The following PRAMEF7 variants were observed in gnomAD, a reference collection of about 807,000 sequenced individuals.
PRAMEF7 encodes the protein PRAME family member 7.
A neutral mutation model predicts 12.3 loss-of-function variants in PRAMEF7; 2 were observed. That is an observed-to-expected ratio of 0.16 (90% CI 0.07 to 0.51). The LOEUF (loss-of-function observed/expected upper bound fraction) is 0.51, where lower values mean the gene tolerates loss of function less well. Ranked by LOEUF, PRAMEF7 falls within the 20% of genes least tolerant of loss-of-function variation. The probability of loss-of-function intolerance (pLI) is 0.95; values close to 1 mark genes in which losing one functional copy is unlikely to be tolerated. For missense variants in PRAMEF7, 14 were observed against 275.4 expected, an observed-to-expected ratio of 0.05 and a Z score of 6.72; for synonymous variants, 5 against 117.1, an observed-to-expected ratio of 0.04 and a Z score of 6.18.
upstream of PRAMEF7, among the ~76,000 whole-genome samples, chr1:12,917,192 G>GT (rs1167628784): frequency 1.1e-5 from 1 of 87,464 alleles, no homozygotes; most frequent in Non-Finnish European, 2.3e-5. Flanking sequence ...TGCTTTTATA[G>GT]TTTCTCTTAT....
intron 2 of PRAMEF7, among the ~76,000 whole-genome samples, chr1:12,919,432 ATAGAGG>A (rs1315063881): frequency 2.0e-5 from 3 of 150,372 alleles, no homozygotes; most frequent in Admixed American, 2.0e-4. Flanking sequence ...TGATGATAGA[ATAGAGG>A]GTGAGGGAGC....
rs772627422 is a variant in PRAMEF7 at position 12,919,900 on chromosome 1, G to C, written c.912G>C (p.Leu304=). The C allele has an allele frequency of 3.6e-6, 3 of 844,370 alleles. 1 individual carries two copies. The highest frequency in any genetic ancestry group is 4.6e-6 in the Non-Finnish European group (3 of 649,634). The allele number at this position is 844,370 out of a possible 1,614,324, so 52.3% of individuals were successfully genotyped here. The stretch of plus-strand genomic sequence containing the variant: ...TGGTCGTTATGACCGACTGCCTGCT[G>C]TCAGAGTCAGACTTGAAGCATCTCT... Residue 304 remains leucine (L), a synonymous_variant, in exon 3 of 3, where the codon CTG becomes CTC. Transcript: ENST00000330881.
Position 12,920,039 on chromosome 1 carries a change from C to T in PRAMEF7, c.1051C>T (p.Gln351Ter), listed in dbSNP as rs532610431. 1.6e-5 allele frequency: 16 copies of T among 989,584 alleles called. 5 individuals carry two copies. The highest frequency in any genetic ancestry group is 2.2e-5 in the Non-Finnish European group (16 of 726,590). 61.3% of individuals were successfully genotyped at this position (989,584 alleles called of 1,614,324 possible). A position where few individuals can be genotyped will look rare whatever the true frequency, so the allele number is the denominator to read the frequency against. ...GCTGGAGCAAGCTGTGGCCACCCTG[C>T]AGACCCTGGACTTAGAGGACTGTGG... Residue 351 changes from glutamine (Q) to a stop codon, truncating the protein, a stop_gained, in exon 3 of 3, where the codon CAG becomes TAG. Coordinates refer to ENST00000330881, the Ensembl canonical transcript of PRAMEF7. LOFTEE classifies it high-confidence loss of function.
intron 2 of PRAMEF7, among the ~76,000 whole-genome samples, chr1:12,919,420 C>T: frequency 6.7e-6 from 1 of 148,768 alleles, no homozygotes; most frequent in Non-Finnish European, 1.5e-5. Context: ...ATGGGAAATA[C>T]ATGATGATAG....
At chr1:12,919,814 C>T in intron 2 of PRAMEF7, 38 bp from the exon 4 acceptor site, 1 of 910,748 alleles carries the variant, frequency 1.1e-6, no homozygotes, top group South Asian at 1.7e-5. Context: ...GAAGTCATCC[C>T]CACCTCTCTC....
chr1:12,919,268 TG>T (rs1393471900), intron 2 of PRAMEF7, among the ~76,000 whole-genome samples: 1 of 113,972 alleles, frequency 8.8e-6, no homozygotes, highest in African/African-American at 4.1e-5. Flanking sequence ...AATAGGGAGG[TG>T]AAGAGGGCAC....
At chr1:12,920,229 C>G (rs1289464869) in exon 3 of PRAMEF7, 3 of 1,612,798 alleles carry the variant, frequency 1.9e-6, no homozygotes, top group Admixed American at 3.3e-5. Flanking sequence ...TATCCTGCCC[C>G]TCTGGAGAGT....
chr1:12,918,042 C>CAGG lies in PRAMEF7; in HGVS notation c.287+73_287+75dup. 3 of 286,716 alleles carry CAGG rather than the reference C, an allele frequency of 1.0e-5. No individual in the cohort carries two copies. In the South Asian group the frequency reaches 1.2e-4, roughly 12 times the overall value. The allele number at this position is 286,716 out of a possible 1,614,324, so 17.8% of individuals were successfully genotyped here. Reference sequence around the variant, plus strand: ...TTGTCCAGGGTAGGGACAGCTGTTTCAGGAGGAGGAGGGGCACCATGGAGG... The same window carrying CAGG: ...TTGTCCAGGGTAGGGACAGCTGTTTCAGGAGGAGGAGGAGGGGCACCATGGAGG... On this transcript the variant is annotated intron_variant, in intron 1 of 2. Coordinates refer to ENST00000330881, the Ensembl canonical transcript of PRAMEF7.
exon 3 of PRAMEF7, chr1:12,920,021 C>G: frequency 1.2e-6 from 1 of 853,020 alleles, no homozygotes; most frequent in Non-Finnish European, 1.5e-6. Flanking sequence ...TCTGCTGGAG[C>G]AAGCTGTGGC....
Position 12,920,441 on chromosome 1 carries a change from C to CA in PRAMEF7, c.*30dup. 2.8e-6 allele frequency: 4 copies of CA among 1,438,264 alleles called. No individual in the cohort carries two copies. The South Asian group carries it at 4.7e-5, about 17-fold the overall frequency. The allele number at this position is 1,438,264 out of a possible 1,614,324, so 89.1% of individuals were successfully genotyped here. A position where few individuals can be genotyped will look rare whatever the true frequency, so the allele number is the denominator to read the frequency against. On this transcript the variant is annotated 3_prime_UTR_variant, in exon 3 of 3. Transcript: ENST00000330881. ...GCCTGCCATCAGGGTGGATATATTTCAAGCTTTCTTCTGGTCATTTCGGAG... is the reference window on the plus strand; with the variant it reads ...GCCTGCCATCAGGGTGGATATATTTCAAAGCTTTCTTCTGGTCATTTCGGAG...
chr1:12,919,523 C>T (rs1249061978), intron 2 of PRAMEF7, among the ~76,000 whole-genome samples: 1 of 151,836 alleles, frequency 6.6e-6, no homozygotes, highest in Non-Finnish European at 1.5e-5. Context: ...GCAACCTGGC[C>T]AACCCAGCTG....
Position 12,920,405 on chromosome 1 carries a change from CT to C in PRAMEF7, c.1418del (p.Leu473ProfsTer24). 4 of 1,555,264 alleles carry C rather than the reference CT, an allele frequency of 2.6e-6. No individual in the cohort carries two copies. Among genetic ancestry groups the C allele is most frequent in the Non-Finnish European group, 3.5e-6 (4 of 1,147,736 alleles). On this transcript the variant is annotated frameshift_variant, in exon 3 of 3. Coordinates refer to ENST00000330881, the Ensembl canonical transcript of PRAMEF7. LOFTEE classifies it high-confidence loss of function. ...CTATGACCTGGAGCCCAGTCACTGC[CT>C]CTGTTGAATGCCTGCCATCAGGGTG...
downstream of PRAMEF7, among the ~76,000 whole-genome samples, chr1:12,920,699 CACAG>C (rs2100470413): frequency 2.2e-4 from 1 of 4,480 alleles, no homozygotes; most frequent in East Asian, 2.6e-3. Context: ...GTTACCCCTG[CACAG>C]ATGGTTGTAA....
chr1:12,920,298 T>A, exon 3 of PRAMEF7: 1 of 1,612,438 alleles, frequency 6.2e-7, no homozygotes, highest in Non-Finnish European at 8.5e-7. Context: ...GCTGAGCTGA[T>A]GAACACACTG....
upstream of PRAMEF7, among the ~76,000 whole-genome samples, chr1:12,917,218 AAAC>A (rs750113302): frequency 2.6e-4 from 29 of 112,814 alleles, no homozygotes; most frequent in Middle Eastern, 4.0e-3. Context: ...TTCAAAATAA[AAAC>A]AAGTGGCATT....
exon 3 of PRAMEF7, chr1:12,919,854 G>A: frequency 1.0e-6 from 1 of 959,192 alleles, no homozygotes; most frequent in African/African-American, 4.7e-5. Context: ...TCTCCCAGGT[G>A]TCTCCAGGCC....
chr1:12,917,551 TG>T, upstream of PRAMEF7: 3 of 571,976 alleles, frequency 5.2e-6, no homozygotes, highest in Non-Finnish European at 3.1e-6. Context: ...AGAATGGAAC[TG>T]GGGGGAATTG....
exon 1 of PRAMEF7, chr1:12,917,665 TAGAG>T (rs1399553710): frequency 1.7e-6 from 1 of 589,724 alleles, no homozygotes; most frequent in Non-Finnish European, 2.6e-6. Flanking sequence ...ATTTGTCCTC[TAGAG>T]TTTTCCCTTG....
rs1641456844 is a variant in PRAMEF7 at position 12,920,167 on chromosome 1, TG to T, written c.1180del (p.Glu394ArgfsTer10). ...GGAACCTCATCTCCATGGCTGCCCT[TG>T]AGAACCTGCTGCGCCACACCGTCGG... On this transcript the variant is annotated frameshift_variant, in exon 3 of 3. Transcript: ENST00000330881. LOFTEE classifies it high-confidence loss of function. The T allele has an allele frequency of 6.3e-7, 1 of 1,592,868 alleles. No individual in the cohort carries two copies. Among genetic ancestry groups the T allele is most frequent in the South Asian group, 1.1e-5 (1 of 89,974 alleles).
Sources: allele counts gnomAD v4.1 joint callset (sites outside exome capture counted in the v4.1 genomes callset), GRCh38; gene constraint gnomAD v4.1.1; transcripts MANE v1.5; gene names NCBI Gene and HGNC (gene_info 2026-07-23, HGNC 2026-07-21).